The following HIKESHI variants were observed in gnomAD, a reference collection of about 807,000 sequenced individuals.
The protein encoded by HIKESHI is heat shock protein nuclear import factor hikeshi.
HIKESHI carries 13 observed loss-of-function variants against 25.7 expected under a neutral mutation model. That is an observed-to-expected ratio of 0.51 (90% CI 0.33 to 0.80). HIKESHI has a LOEUF of 0.80. Ranked by LOEUF, HIKESHI falls within the 30% of genes least tolerant of loss-of-function variation. The pLI, the probability that HIKESHI is intolerant of heterozygous loss-of-function variation, is 0.02. For synonymous variants in HIKESHI, 76 were observed against 78.7 expected (o/e 0.97, Z 0.18); for missense variants, 174 against 229.5 (o/e 0.76, Z 1.56).
chr11:86,302,780 A>T (rs1395876704), intron 1 of HIKESHI, among the ~76,000 whole-genome samples: 1 of 152,208 alleles, frequency 6.6e-6, no homozygotes, highest in South Asian at 2.1e-4. Flanking sequence ...CTTATTTGGC[A>T]CTTTGAACTT....
At chr11:86,334,784 GACC>G (rs1254198161) in intron 2 of HIKESHI, among the ~76,000 whole-genome samples, 1 of 152,110 alleles carries the variant, frequency 6.6e-6, no homozygotes, top group African/African-American at 2.4e-5. Flanking sequence ...AAGTAGCTAG[GACC>G]ACAAGCATGC....
chr11:86,341,486 TCC>T (rs1026023961), intron 3 of HIKESHI, among the ~76,000 whole-genome samples: 1 of 114,826 alleles, frequency 8.7e-6, no homozygotes. Context: ...CTTGGAATTC[TCC>T]TTTTTTTTTT....
chr11:86,331,369 A>G (rs552444071), intron 2 of HIKESHI, among the ~76,000 whole-genome samples: 1 of 152,246 alleles, frequency 6.6e-6, no homozygotes, highest in Non-Finnish European at 1.5e-5. Context: ...CACACCTGTA[A>G]TTTCAGCTAC....
At chr11:86,328,265 C>CT (rs897214732) in intron 2 of HIKESHI, among the ~76,000 whole-genome samples, 344 of 145,692 alleles carry the variant, frequency 2.4e-3, no homozygotes, top group Middle Eastern at 7.0e-3. Context: ...CATTTCTTTT[C>CT]TTTTTTTTTT....
chr11:86,337,326 T>C, intron 2 of HIKESHI, 53 bp from the exon 3 acceptor site: 1 of 1,521,620 alleles, frequency 6.6e-7, no homozygotes, highest in Non-Finnish European at 8.9e-7. Context: ...CAAAGGAAAT[T>C]GTGTGACTAC....
chr11:86,316,142 C>T (rs927986933), intron 2 of HIKESHI, among the ~76,000 whole-genome samples: 1 of 134,078 alleles, frequency 7.5e-6, no homozygotes, highest in Non-Finnish European at 1.6e-5. Context: ...AAAAAAAGTG[C>T]ACCTTCCCTA....
intron 2 of HIKESHI, among the ~76,000 whole-genome samples, chr11:86,334,750 G>A (rs7114791): frequency 0.61 from 92,925 of 151,918 alleles, 28,640 homozygotes; most frequent in East Asian, 0.79. Flanking sequence ...CTAGGCCTAA[G>A]CGATCCTCCC....
At position 86,306,441 on chromosome 11, in the gene HIKESHI, G is replaced by T; in HGVS notation, c.227G>T (p.Gly76Val). 1 of 1,613,248 alleles carries T rather than the reference G, an allele frequency of 6.2e-7. No individual in the cohort carries two copies. The highest frequency in any genetic ancestry group is 8.5e-7 in the Non-Finnish European group (1 of 1,179,380). ...CAACTCCTAGGATTTGTCACGAATGGGAAGCCAAGTGCCATCTTCAAAATT... is the reference window on the plus strand; with the variant it reads ...CAACTCCTAGGATTTGTCACGAATGTGAAGCCAAGTGCCATCTTCAAAATT... ...VWQLLGFVTN[G>V]KPSAIFKISG... Residue 76 changes from glycine (G) to valine (V), a missense_variant, in exon 2 of 5, where the codon GGG (glycine) becomes GTG (valine). Coordinates refer to ENST00000278483, the MANE Select transcript of HIKESHI (RefSeq NM_016401.4).
At chr11:86,322,727 T>G (rs1947182105) in intron 2 of HIKESHI, among the ~76,000 whole-genome samples, 1 of 152,216 alleles carries the variant, frequency 6.6e-6, no homozygotes, top group African/African-American at 2.4e-5. Context: ...TTTAATAGTT[T>G]TAGATTTTAC....
At chr11:86,312,607 T>A (rs185060605) in intron 2 of HIKESHI, among the ~76,000 whole-genome samples, 230 of 152,346 alleles carry the variant, frequency 1.5e-3, no homozygotes, top group African/African-American at 5.3e-3. Flanking sequence ...CATTATGATG[T>A]TAGCTGGTTA....
intron 2 of HIKESHI, among the ~76,000 whole-genome samples, chr11:86,332,108 C>T (rs1947443000): frequency 6.6e-6 from 1 of 151,772 alleles, no homozygotes; most frequent in African/African-American, 2.4e-5. Flanking sequence ...CTACAGGCGC[C>T]TGCCACCATG....
intron 2 of HIKESHI, among the ~76,000 whole-genome samples, chr11:86,329,574 C>CTTTTTTTTTTTTT (rs71040232): frequency 2.1e-5 from 3 of 143,878 alleles, no homozygotes; most frequent in Non-Finnish European, 1.5e-5. Flanking sequence ...CCTGTGATTT[C>CTTTTTTTTTTTTT]TTTTTTTTTT....
At chr11:86,345,480 T>C (rs904180168) in intron 4 of HIKESHI, 104 bp from the exon 5 acceptor site, 17 of 668,900 alleles carry the variant, frequency 2.5e-5, no homozygotes, top group Non-Finnish European at 4.2e-5. Context: ...TATAGCTTTT[T>C]AGAAATGACA....
intron 2 of HIKESHI, among the ~76,000 whole-genome samples, chr11:86,316,649 T>C (rs896490742): frequency 1.3e-5 from 2 of 152,130 alleles, no homozygotes; most frequent in Non-Finnish European, 2.9e-5. Flanking sequence ...TAAGTGTTTA[T>C]ATAAATGTAA....
chr11:86,306,824 C>T (rs987169941), intron 2 of HIKESHI, among the ~76,000 whole-genome samples: 4 of 151,110 alleles, frequency 2.6e-5, no homozygotes, highest in African/African-American at 7.3e-5. Context: ...CGGTGAAACC[C>T]TGTCTCCACT....
intron 2 of HIKESHI, among the ~76,000 whole-genome samples, chr11:86,314,152 C>T (rs1169585440): frequency 1.3e-5 from 2 of 152,238 alleles, no homozygotes; most frequent in Middle Eastern, 3.4e-3. Flanking sequence ...TATCCCTCCC[C>T]CAAAACAACT....
Position 86,302,284 on chromosome 11 carries a change from G to C in HIKESHI, c.-165G>C. Reference sequence around the variant, plus strand: ...GCTTAGGAAGAGAAGGTCAGAGTTCGCGGGGGCAGAGGCATTCTTGCCGCT... The same window carrying C: ...GCTTAGGAAGAGAAGGTCAGAGTTCCCGGGGGCAGAGGCATTCTTGCCGCT... On this transcript the variant is annotated 5_prime_UTR_variant, in exon 1 of 5. Coordinates refer to ENST00000278483, the MANE Select transcript of HIKESHI (RefSeq NM_016401.4). 1.3e-6 allele frequency: 1 copy of C among 760,572 alleles called. No individual in the cohort carries two copies. 47.1% of individuals were successfully genotyped at this position (760,572 alleles called of 1,614,324 possible).
intron 3 of HIKESHI, among the ~76,000 whole-genome samples, chr11:86,339,094 G>T (rs905537965): frequency 6.6e-6 from 1 of 152,082 alleles, no homozygotes; most frequent in Non-Finnish European, 1.5e-5. Flanking sequence ...CGCCCAGGCT[G>T]GAGTGCAGTG....
chr11:86,311,798 T>C (rs886440262), intron 2 of HIKESHI, among the ~76,000 whole-genome samples: 3 of 152,242 alleles, frequency 2.0e-5, no homozygotes, highest in African/African-American at 4.8e-5. Context: ...TCTTTATTTC[T>C]GCTTTCATTT....
Sources: allele counts gnomAD v4.1 joint callset (sites outside exome capture counted in the v4.1 genomes callset), GRCh38; gene constraint gnomAD v4.1.1; transcripts MANE v1.5; gene names NCBI Gene and HGNC (gene_info 2026-07-23, HGNC 2026-07-21).